Variants in PLEKHA5 observed in about 807,000 individuals in gnomAD.
The protein encoded by PLEKHA5 is pleckstrin homology domain containing A5, also known as pleckstrin homology domain-containing family A member 5.
PLEKHA5 carries 55 observed loss-of-function variants against 181.9 expected under a neutral mutation model. The ratio of observed to expected loss-of-function variants is 0.30; its 90% CI spans 0.24 to 0.38. The LOEUF (loss-of-function observed/expected upper bound fraction) is 0.38. Ranked by LOEUF, PLEKHA5 falls within the 10% of genes least tolerant of loss-of-function variation. PLEKHA5 has a pLI of 1.00. For synonymous variants in PLEKHA5, 535 were observed against 529.4 expected, an observed-to-expected ratio of 1.01 and a Z score of -0.15; for missense variants, 1,432 against 1,549.5, an observed-to-expected ratio of 0.92 and a Z score of 1.27.
chr12:19,233,272 T>C (rs2152399285), intron 3 of PLEKHA5, among the ~76,000 whole-genome samples: 1 of 152,274 alleles, frequency 6.6e-6, no homozygotes, highest in East Asian at 1.9e-4. Flanking sequence ...TTTGCCTCTG[T>C]TTAAACTTGG....
Position 19,264,359 on chromosome 12 carries a change from T to C in PLEKHA5, c.611-1391T>C, listed in dbSNP as rs375197606. Among the ~76,000 whole-genome samples, 6 of 151,304 alleles carry C rather than the reference T, an allele frequency of 4.0e-5. No individual in the cohort carries two copies. In the East Asian group the frequency reaches 5.8e-4, roughly 15 times the overall value. On this transcript the variant is annotated intron_variant, in intron 7 of 31. Coordinates refer to ENST00000429027, the MANE Select transcript of PLEKHA5 (RefSeq NM_001256470.2). Reference sequence around the variant, plus strand: ...TATTCTGAAGCAACTTTAGAAAAGATTATTTTATTATGGGACATAGAAGGA... The same window carrying C: ...TATTCTGAAGCAACTTTAGAAAAGACTATTTTATTATGGGACATAGAAGGA...
At chr12:19,165,879 T>C (rs1357989707) in intron 3 of PLEKHA5, among the ~76,000 whole-genome samples, 3 of 152,228 alleles carry the variant, frequency 2.0e-5, no homozygotes, top group East Asian at 3.8e-4. Flanking sequence ...CCTCACTTAA[T>C]GTTGTCAGTA....
chr12:19,238,282 A>G (rs2061751740), intron 3 of PLEKHA5, among the ~76,000 whole-genome samples: 1 of 152,120 alleles, frequency 6.6e-6, no homozygotes, highest in East Asian at 1.9e-4. Flanking sequence ...TTTGTGAATA[A>G]TATAGTTAGG....
At chr12:19,243,533 C>G in intron 3 of PLEKHA5, 1 of 152,100 alleles carries the variant, frequency 6.6e-6, no homozygotes, top group South Asian at 2.1e-4. Flanking sequence ...GGTTTTCACA[C>G]CTGATTAATC....
intron 16 of PLEKHA5, 37 bp downstream of exon 16, chr12:19,314,931 TCTGCAAAATCCC>T: frequency 2.9e-6 from 3 of 1,019,362 alleles, no homozygotes; most frequent in Non-Finnish European, 4.5e-6. Context: ...TGCTTTATCA[TCTGCAAAATCCC>T]TCAGTGACAG....
At chr12:19,368,353 G>C (rs2095489043) in intron 30 of PLEKHA5, among the ~76,000 whole-genome samples, 1 of 152,132 alleles carries the variant, frequency 6.6e-6, no homozygotes, top group Non-Finnish European at 1.5e-5. Context: ...TAAAAAATTA[G>C]CCGGATGGGA....
At chr12:19,331,682 CT>C (rs2092851124) in intron 20 of PLEKHA5, among the ~76,000 whole-genome samples, 1 of 152,084 alleles carries the variant, frequency 6.6e-6, no homozygotes, top group African/African-American at 2.4e-5. Flanking sequence ...GAAGTAAGCA[CT>C]ATTAAAATTT....
intron 3 of PLEKHA5, among the ~76,000 whole-genome samples, chr12:19,242,243 G>GTTTTTTTTTGT (rs57098753): frequency 1.3e-4 from 20 of 149,808 alleles, no homozygotes; most frequent in Admixed American, 2.0e-4. Context: ...GTTTTTTTTT[G>GTTTTTTTTTGT]TTTTTTTTGT....
intron 15 of PLEKHA5, among the ~76,000 whole-genome samples, chr12:19,312,778 A>G (rs2087025984): frequency 6.6e-6 from 1 of 152,144 alleles, no homozygotes. Context: ...AGCACTTATA[A>G]TTTCTTTCAA....
chr12:19,133,135 A>C (rs2034513160), intron 3 of PLEKHA5, among the ~76,000 whole-genome samples: 1 of 151,988 alleles, frequency 6.6e-6, no homozygotes, highest in South Asian at 2.1e-4. Context: ...GTCTAAGTCA[A>C]GATGTTTTAT....
chr12:19,154,180 A>C (rs1445626529), intron 3 of PLEKHA5: 5 of 152,056 alleles, frequency 3.3e-5, no homozygotes, highest in Non-Finnish European at 7.4e-5. Context: ...TTGATATATA[A>C]ACTTTCTTTT....
At position 19,337,748 on chromosome 12, in the gene PLEKHA5, A is replaced by G. The variant is rs2093563941; in HGVS notation, c.2550+1132A>G. ...GAATGAAAAATTAGTTAAGTTCAAG[A>G]CCAACCAGCCTGACCAACATGGGGA... is the stretch of plus-strand genomic sequence containing the variant. On this transcript the variant is annotated intron_variant, in intron 21 of 31. Coordinates refer to ENST00000429027, the MANE Select transcript of PLEKHA5 (RefSeq NM_001256470.2). Among the ~76,000 whole-genome samples the G allele has an allele frequency of 2.0e-5, 3 of 151,978 alleles. No individual in the cohort carries two copies. In the South Asian group the frequency reaches 6.2e-4, roughly 32 times the overall value.
rs1006277823 is a variant in PLEKHA5, at chr12:19,130,635, C to T, written c.169+505C>T. 6.6e-6 allele frequency: 1 copy of T among 152,586 alleles called. No individual in the cohort carries two copies. Among genetic ancestry groups the T allele is most frequent in the Non-Finnish European group, 1.5e-5 (1 of 68,252 alleles). The allele number at this position is 152,586 out of a possible 1,614,324, so 9.5% of individuals were successfully genotyped here. ...TCCTCCCAGGAGCGCTGCCTCCTGC[C>T]GTGCAGCTTCCTCCTCCTAGGTGGG... On this transcript the variant is annotated intron_variant, in intron 2 of 31. Coordinates refer to ENST00000429027, the MANE Select transcript of PLEKHA5 (RefSeq NM_001256470.2). This position sits in a 1 kb window ranked among gnomAD's most constrained non-coding sequence, Gnocchi z 4.5.
intron 24 of PLEKHA5, among the ~76,000 whole-genome samples, chr12:19,347,968 C>T (rs1424341125): frequency 2.0e-5 from 3 of 151,006 alleles, no homozygotes; most frequent in Admixed American, 6.6e-5. Flanking sequence ...CTGCAAGCTC[C>T]GCCTCCCAGG....
chr12:19,197,193 ACAT>A (rs1272200237), intron 3 of PLEKHA5, among the ~76,000 whole-genome samples: 2 of 152,060 alleles, frequency 1.3e-5, no homozygotes, highest in African/African-American at 4.8e-5. Context: ...GACTTCTATG[ACAT>A]CATACCCTTC....
chr12:19,215,349 C>T (rs898336922), intron 3 of PLEKHA5, among the ~76,000 whole-genome samples: 1 of 151,938 alleles, frequency 6.6e-6, no homozygotes, highest in African/African-American at 2.4e-5. Context: ...AATATGGAAG[C>T]TATAATAGAA....
chr12:19,244,633 A>G (rs2063309122), intron 3 of PLEKHA5, among the ~76,000 whole-genome samples: 1 of 152,218 alleles, frequency 6.6e-6, no homozygotes, highest in Admixed American at 6.5e-5. Context: ...TTTTCCCTTA[A>G]GGGAAATACA....
chr12:19,176,882 T>G (rs567180709), intron 3 of PLEKHA5, among the ~76,000 whole-genome samples: 1 of 152,172 alleles, frequency 6.6e-6, no homozygotes. Flanking sequence ...TTTTTTCTTT[T>G]GAGACAGAGT....
intron 11 of PLEKHA5, among the ~76,000 whole-genome samples, chr12:19,281,901 C>A (rs2076259923): frequency 6.6e-6 from 1 of 151,990 alleles, no homozygotes; most frequent in Non-Finnish European, 1.5e-5. Context: ...CCTGCCTCAG[C>A]CTCCCAAGTA....
Sources: gnomAD v4.1 joint callset for allele counts (sites outside exome capture counted in the v4.1 genomes callset) on GRCh38, gnomAD v4.1.1 for gene constraint, Gnocchi (gnomAD v3.1) non-coding constraint, MANE v1.5 for transcripts, NCBI Gene and HGNC (gene_info 2026-07-23, HGNC 2026-07-21) for gene names.